Variants in VCPIP1 observed in about 807,000 individuals in gnomAD.
The protein encoded by VCPIP1 is deubiquitinating protein VCPIP1.
In VCPIP1, 8 loss-of-function variants were observed where a neutral mutation model predicts 85.0. The observed-to-expected ratio is 0.09, with a 90% CI of 0.06 to 0.17. The LOEUF is 0.17. VCPIP1 is among the 10% of genes least tolerant of loss of function. The pLI is 1.00. For synonymous variants in VCPIP1, 543 were observed against 544.5 expected, an observed-to-expected ratio of 1.00 and a Z score of 0.04; for missense variants, 1,070 against 1,486.3, an observed-to-expected ratio of 0.72 and a Z score of 4.61.
Position 66,628,572 on chromosome 8 carries a change from G to C in VCPIP1, c.*5929C>G, listed in dbSNP as rs1810801845. On this transcript the variant is annotated 3_prime_UTR_variant, in exon 3 of 3. Transcript: ENST00000310421. The stretch of plus-strand genomic sequence containing the variant: ...CAGTTGCTGGGGTCTGAAAGAGCCA[G>C]ACAATAAAAATAAAATCCATAATGA... The C allele has an allele frequency of 6.6e-6, 1 of 152,190 alleles. No homozygotes were observed. The highest frequency in any genetic ancestry group is 2.4e-5 in the African/African-American group (1 of 41,444). 9.4% of individuals were successfully genotyped at this position (152,190 alleles called of 1,614,324 possible). A position where few individuals can be genotyped will look rare whatever the true frequency, so the allele number is the denominator to read the frequency against.
rs747647765 is a variant in VCPIP1 at position 66,666,728 on chromosome 8, G to A, written c.231C>T (p.His77=). The A allele has an allele frequency of 6.2e-7, 1 of 1,614,038 alleles. No homozygotes were observed. The highest frequency in any genetic ancestry group is 8.5e-7 in the Non-Finnish European group (1 of 1,179,972). ...SIECTECGQR[H]EQQQLLGVEE... is the part of the protein sequence containing the mutation. ...CAACCCCCAGCAGCTGTTGCTGCTC[G>A]TGCCGCTGGCCGCACTCGGTACACT... The change falls in exon 1 of 3, where the codon CAC becomes CAT. Residue 77 remains histidine (H), a synonymous_variant. Transcript: ENST00000310421. This position sits in a 1 kb window ranked among gnomAD's most constrained non-coding sequence, Gnocchi z 6.3.
At chr8:66,644,431 A>C (rs1375395286) in intron 2 of VCPIP1, among the ~76,000 whole-genome samples, 1 of 152,234 alleles carries the variant, frequency 6.6e-6, no homozygotes, top group African/African-American at 2.4e-5. Flanking sequence ...GAGAAAAACC[A>C]TATGATCATC....
chr8:66,664,449 G>C lies in VCPIP1; in HGVS notation c.2510C>G (p.Pro837Arg). The change falls in exon 1 of 3, where the codon CCA (proline) becomes CGA (arginine). Residue 837 changes from proline to arginine, a missense_variant. By Grantham distance (103) the Pro-to-Arg change is moderately radical (BLOSUM62 -2). This residue lies in a region of VCPIP1 where 278 missense variants were observed against 298.5 expected (regional missense o/e 0.93). Coordinates refer to ENST00000310421, the MANE Select transcript of VCPIP1 (RefSeq NM_025054.5). ...MPPQAGMEKE[P>R]VPLQHGDRIT... ...TCTGTCGCCATGCTGTAAAGGAACT[G>C]GTTCCTTTTCCATTCCTGCCTGTGG... The C allele has an allele frequency of 6.2e-7, 1 of 1,613,808 alleles. No individual in the cohort carries two copies. The highest frequency in any genetic ancestry group is 8.5e-7 in the Non-Finnish European group (1 of 1,179,756).
Position 66,664,708 on chromosome 8 carries a change from T to G in VCPIP1, c.2251A>C (p.Ile751Leu), listed in dbSNP as rs1323385678. The change falls in exon 1 of 3, where the codon ATT (isoleucine) becomes CTT (leucine). Residue 751 changes from isoleucine to leucine, a missense_variant. Ile to Leu is a conservative substitution (Grantham distance 5). Coordinates refer to ENST00000310421, the MANE Select transcript of VCPIP1 (RefSeq NM_025054.5). The stretch of plus-strand genomic sequence containing the variant: ...GGTGCAGAGGATGGACCATCACGAA[T>G]GGTACTGGGAGAAACAGTCCTGGGT... ...GQPRTVSPST[I>L]RDGPSSAPAT... 7 of 1,613,712 alleles carry G rather than the reference T, an allele frequency of 4.3e-6. No homozygotes were observed. The African/African-American group carries it at 9.3e-5, about 22-fold the overall frequency.
chr8:66,659,761 T>C (rs982632509), intron 1 of VCPIP1, among the ~76,000 whole-genome samples: 1 of 151,874 alleles, frequency 6.6e-6, no homozygotes, highest in African/African-American at 2.4e-5. Context: ...CGAAACCCCA[T>C]CTCTACTAAA....
intron 1 of VCPIP1, among the ~76,000 whole-genome samples, chr8:66,659,067 C>A (rs892080800): frequency 6.6e-5 from 10 of 151,932 alleles, no homozygotes; most frequent in Non-Finnish European, 1.5e-4. Flanking sequence ...AACAAAAAAA[C>A]AAACAAAACT....
chr8:66,637,227 T>C (rs1810896234), intron 2 of VCPIP1, among the ~76,000 whole-genome samples: 1 of 152,014 alleles, frequency 6.6e-6, no homozygotes, highest in South Asian at 2.1e-4. Flanking sequence ...GGCATACACC[T>C]ATAGTCTCAG....
At position 66,667,230 on chromosome 8, in the gene VCPIP1, A is replaced by T; in HGVS notation, c.-272T>A. On this transcript the variant is annotated 5_prime_UTR_variant, in exon 1 of 3. Transcript: ENST00000310421. ...CACTCTCGCTCTCTCTCCCTCAGAC[A>T]CAGACATACACGCCCTCATTGAGTG... The T allele has an allele frequency of 1.8e-6, 1 of 558,938 alleles. No individual in the cohort carries two copies. Among genetic ancestry groups the T allele is most frequent in the East Asian group, 3.0e-5 (1 of 32,872 alleles). 34.6% of individuals were successfully genotyped at this position (558,938 alleles called of 1,614,324 possible).
intron 1 of VCPIP1, among the ~76,000 whole-genome samples, chr8:66,655,502 G>C (rs1180088571): frequency 6.6e-6 from 1 of 152,208 alleles, no homozygotes; most frequent in East Asian, 1.9e-4. Context: ...CCTTGGCGGA[G>C]TGAATATTAT....
chr8:66,657,751 T>C (rs934688914), intron 1 of VCPIP1, among the ~76,000 whole-genome samples: 1 of 152,230 alleles, frequency 6.6e-6, no homozygotes, highest in Non-Finnish European at 1.5e-5. Flanking sequence ...CTTGAATTAT[T>C]TGAATTTTAA....
chr8:66,652,558 A>G (rs182938751), intron 1 of VCPIP1, among the ~76,000 whole-genome samples: 2 of 152,240 alleles, frequency 1.3e-5, no homozygotes, highest in East Asian at 3.9e-4. Context: ...GGTTGCAGTG[A>G]GCTGAGATCG....
intron 1 of VCPIP1, among the ~76,000 whole-genome samples, chr8:66,662,598 A>G (rs1280849183): frequency 6.6e-6 from 1 of 152,178 alleles, no homozygotes; most frequent in Non-Finnish European, 1.5e-5. Context: ...CACATTCTCA[A>G]GAGTCCATCT....
chr8:66,648,040 G>A (rs1268007792), intron 2 of VCPIP1, among the ~76,000 whole-genome samples: 1 of 151,950 alleles, frequency 6.6e-6, no homozygotes. Context: ...TGAGCAATCC[G>A]CTCACCTTGG....
intron 2 of VCPIP1, among the ~76,000 whole-genome samples, chr8:66,651,185 CAAAAAAAAA>C (rs896750189): frequency 9.8e-5 from 5 of 51,152 alleles, no homozygotes; most frequent in Non-Finnish European, 2.0e-4. Context: ...AATTCCATCT[CAAAAAAAAA>C]AAAAAAAAAA....
intron 1 of VCPIP1, among the ~76,000 whole-genome samples, chr8:66,654,972 C>G (rs544846267): frequency 6.6e-6 from 1 of 152,154 alleles, no homozygotes; most frequent in African/African-American, 2.4e-5. Flanking sequence ...AATGTTATAC[C>G]ACCACACAAC....
chr8:66,651,664 C>A, intron 1 of VCPIP1, 120 bp from the exon 2 acceptor site: 1 of 672,820 alleles, frequency 1.5e-6, no homozygotes, highest in South Asian at 2.0e-5. Flanking sequence ...AGTGAAACAG[C>A]CTGACACGCC....
chr8:66,654,798 A>G (rs1446655721), intron 1 of VCPIP1, among the ~76,000 whole-genome samples: 3 of 152,134 alleles, frequency 2.0e-5, no homozygotes, highest in African/African-American at 7.2e-5. Context: ...CTTGAGTCTT[A>G]TCCCCCATAA....
chr8:66,662,710 T>C (rs2130182686), intron 1 of VCPIP1, among the ~76,000 whole-genome samples: 1 of 151,390 alleles, frequency 6.6e-6, no homozygotes, highest in East Asian at 2.0e-4. Flanking sequence ...TGAGACAGAG[T>C]CTCGCTCTGT....
At chr8:66,638,230 C>T (rs1810907940) in intron 2 of VCPIP1, among the ~76,000 whole-genome samples, 1 of 152,158 alleles carries the variant, frequency 6.6e-6, no homozygotes, top group East Asian at 1.9e-4. Context: ...GGGGCTCATG[C>T]CTGTAATCCC....
Sources: gnomAD v4.1 joint callset for allele counts (sites outside exome capture counted in the v4.1 genomes callset) on GRCh38, gnomAD v4.1.1 for gene constraint, gnomAD v4.1.1 regional missense constraint, Gnocchi (gnomAD v3.1) non-coding constraint, MANE v1.5 for transcripts, NCBI Gene and HGNC (gene_info 2026-07-23, HGNC 2026-07-21) for gene names.